The following INPP4B variants were observed in gnomAD, a reference collection of about 807,000 sequenced individuals.
The protein encoded by INPP4B is inositol polyphosphate-4-phosphatase type II B, also known as inositol polyphosphate 4-phosphatase type II.
INPP4B carries 55 observed loss-of-function variants against 122.5 expected under a neutral mutation model. The ratio of observed to expected loss-of-function variants is 0.45; its 90% CI spans 0.36 to 0.56. INPP4B has a LOEUF of 0.56. Among genes scored for constraint, INPP4B ranks in the 20% least tolerant of loss-of-function variants. The probability of loss-of-function intolerance (pLI) is 0.00; values close to 1 mark genes in which losing one functional copy is unlikely to be tolerated. For synonymous variants in INPP4B, 403 were observed against 388.7 expected (o/e 1.04, Z -0.43); for missense variants, 1,000 against 1,097.7 (o/e 0.91, Z 1.26).
intron 18 of INPP4B, among the ~76,000 whole-genome samples, chr4:142,128,777 G>GC (rs3841999): frequency 0.026 from 4,031 of 152,142 alleles, 110 homozygotes; most frequent in African/African-American, 0.06. Context: ...GCTGCTGGGT[G>GC]CCCCCCTCAC....
chr4:142,537,441 G>T (rs371362220), intron 2 of INPP4B, among the ~76,000 whole-genome samples: 2,501 of 83,272 alleles, frequency 0.03, 21 homozygotes, highest in East Asian at 0.12. Context: ...GAGAGAGAGA[G>T]AGAGAGAGAG....
At chr4:142,270,932 T>TG (rs1745466754) in intron 9 of INPP4B, among the ~76,000 whole-genome samples, 158 bp from the exon 10 acceptor site, 1 of 147,232 alleles carries the variant, frequency 6.8e-6, no homozygotes, top group African/African-American at 2.6e-5. Flanking sequence ...AGGGTAGGTG[T>TG]TTGTGTGTGT....
At chr4:142,223,169 G>A (rs912221183) in intron 12 of INPP4B, among the ~76,000 whole-genome samples, 1 of 151,144 alleles carries the variant, frequency 6.6e-6, no homozygotes, top group Non-Finnish European at 1.5e-5. Context: ...TCAAACCCAG[G>A]GCTGTTCCAC....
At chr4:142,798,215 T>G (rs964108623) in intron 1 of INPP4B, among the ~76,000 whole-genome samples, 2 of 151,856 alleles carry the variant, frequency 1.3e-5, no homozygotes, top group Non-Finnish European at 2.9e-5. Flanking sequence ...AAAACTATTT[T>G]TACACATAAA....
chr4:142,393,201 C>G (rs1033314753), intron 7 of INPP4B, among the ~76,000 whole-genome samples: 1 of 151,892 alleles, frequency 6.6e-6, no homozygotes, highest in Admixed American at 6.6e-5. Flanking sequence ...GAGTTTTGCA[C>G]ACTCTCACCT....
chr4:142,275,980 C>T (rs1579559228), intron 9 of INPP4B, among the ~76,000 whole-genome samples: 2 of 151,814 alleles, frequency 1.3e-5, no homozygotes, highest in African/African-American at 4.8e-5. Flanking sequence ...ACCTTTCATT[C>T]TCTCAAACCC....
chr4:142,423,904 T>C, intron 5 of INPP4B: 1 of 371,876 alleles, frequency 2.7e-6, no homozygotes, highest in Non-Finnish European at 5.2e-6. Context: ...GGAATCCTAT[T>C]TGAGGAGAAT....
chr4:142,745,094 T>A (rs994162029), intron 1 of INPP4B, among the ~76,000 whole-genome samples: 3 of 151,856 alleles, frequency 2.0e-5, no homozygotes, highest in Non-Finnish European at 4.4e-5. Flanking sequence ...AGGTGTTAAG[T>A]GGATTAACAC....
At chr4:142,817,255 T>C (rs561149605) in intron 1 of INPP4B, among the ~76,000 whole-genome samples, 94 of 152,262 alleles carry the variant, frequency 6.2e-4, no homozygotes, top group South Asian at 3.7e-3. Context: ...TCATTCTGAC[T>C]ACAGTATAAG....
intron 1 of INPP4B, among the ~76,000 whole-genome samples, chr4:142,755,180 T>A (rs1770334402): frequency 6.6e-6 from 1 of 152,044 alleles, no homozygotes; most frequent in South Asian, 2.1e-4. Flanking sequence ...TGAAATTAAG[T>A]AATAGTTACT....
intron 3 of INPP4B, among the ~76,000 whole-genome samples, chr4:142,449,380 T>C (rs542886047): frequency 2.6e-5 from 4 of 152,220 alleles, no homozygotes; most frequent in African/African-American, 9.6e-5. Flanking sequence ...TGCAGAACCT[T>C]GAGCCACACT....
chr4:142,438,737 A>G (rs2149424528), intron 3 of INPP4B, among the ~76,000 whole-genome samples: 1 of 152,282 alleles, frequency 6.6e-6, no homozygotes, highest in East Asian at 1.9e-4. Context: ...GCAAAACAAC[A>G]AAAAACTATA....
chr4:142,389,952 A>G (rs748708824), intron 7 of INPP4B, among the ~76,000 whole-genome samples: 8 of 152,242 alleles, frequency 5.3e-5, no homozygotes, highest in Admixed American at 1.3e-4. Context: ...AAAGGTTTGT[A>G]AAAATTAATC....
chr4:142,576,002 G>T (rs986231052), intron 2 of INPP4B, among the ~76,000 whole-genome samples: 4 of 151,956 alleles, frequency 2.6e-5, no homozygotes, highest in African/African-American at 7.2e-5. Flanking sequence ...AATACACCAC[G>T]TTGTAGAGTC....
rs2152759877 is a variant in INPP4B at position 142,124,701 on chromosome 4, C to T, written c.1780G>A (p.Val594Met). ...AGGGACTGCTTGGCTCGGTTCACCA[C>T]TTCTCCCATGCAGTCCTTCAGGGTA... is the stretch of plus-strand genomic sequence containing the variant. ...ILTLKDCMGE[V>M]VNRAKQSLTF... Residue 594 changes from valine (V) to methionine (M), a missense_variant, in exon 19 of 26, where the codon GTG becomes ATG. Coordinates refer to ENST00000262992, the MANE Select transcript of INPP4B (RefSeq NM_001101669.3). The T allele has an allele frequency of 6.2e-7, 1 of 1,611,786 alleles. No individual in the cohort carries two copies. The highest frequency in any genetic ancestry group is 8.5e-7 in the Non-Finnish European group (1 of 1,178,490).
chr4:142,116,002 G>T (rs1793120429), intron 21 of INPP4B, among the ~76,000 whole-genome samples: 1 of 151,932 alleles, frequency 6.6e-6, no homozygotes, highest in South Asian at 2.1e-4. Context: ...AAAAGGCAGG[G>T]GTTGCAATCC....
intron 5 of INPP4B, among the ~76,000 whole-genome samples, chr4:142,417,404 C>T (rs776376655): frequency 4.6e-5 from 7 of 151,992 alleles, no homozygotes; most frequent in Admixed American, 1.3e-4. Flanking sequence ...GGGTTTGTTA[C>T]GGAGTCTTAG....
At chr4:142,442,214 C>T (rs1811899646) in intron 3 of INPP4B, among the ~76,000 whole-genome samples, 1 of 151,780 alleles carries the variant, frequency 6.6e-6, no homozygotes, top group African/African-American at 2.4e-5. Context: ...AGTTCGAGAC[C>T]AGCCTGGCCA....
chr4:142,127,754 A>G (rs944517897), intron 18 of INPP4B, among the ~76,000 whole-genome samples: 1 of 152,234 alleles, frequency 6.6e-6, no homozygotes, highest in Non-Finnish European at 1.5e-5. Flanking sequence ...ATGGAGGAAC[A>G]TAAGTGAAAA....
Sources: allele counts gnomAD v4.1 joint callset (sites outside exome capture counted in the v4.1 genomes callset), GRCh38; gene constraint gnomAD v4.1.1; transcripts MANE v1.5; gene names NCBI Gene and HGNC (gene_info 2026-07-23, HGNC 2026-07-21).